Variants in EYS observed in about 807,000 individuals in gnomAD.
EYS encodes protein eyes shut homolog.
A neutral mutation model predicts 282.1 loss-of-function variants in EYS; 250 were observed. That is an observed-to-expected ratio of 0.89 (90% confidence interval 0.80 to 0.98). EYS has a LOEUF of 0.98. Ranked by LOEUF, EYS falls within the 50% of genes least tolerant of loss-of-function variation. EYS has a pLI of 0.00. For missense variants in EYS, 4,016 were observed against 3,709.0 expected, an observed-to-expected ratio of 1.08 and a Z score of -2.15; for synonymous variants, 1,355 against 1,282.9, an observed-to-expected ratio of 1.06 and a Z score of -1.20.
At chr6:65,075,785 T>C (rs1422024591) in intron 12 of EYS, among the ~76,000 whole-genome samples, 4 of 152,000 alleles carry the variant, frequency 2.6e-5, no homozygotes, top group Non-Finnish European at 5.9e-5. Context: ...ATTGTTAACA[T>C]GTCAATTCTA....
chr6:64,651,299 C>T (rs1341642990), intron 22 of EYS, among the ~76,000 whole-genome samples: 1 of 152,120 alleles, frequency 6.6e-6, no homozygotes, highest in African/African-American at 2.4e-5. Flanking sequence ...GTCTACAGTT[C>T]TATATTACTT....
At chr6:64,197,792 C>T (rs1014908593) in intron 31 of EYS, among the ~76,000 whole-genome samples, 8 of 151,078 alleles carry the variant, frequency 5.3e-5, no homozygotes, top group Non-Finnish European at 1.2e-4. Flanking sequence ...GCCATATTTA[C>T]CAGGTATTTC....
At chr6:64,834,422 T>C (rs557435261) in intron 19 of EYS, among the ~76,000 whole-genome samples, 2 of 151,938 alleles carry the variant, frequency 1.3e-5, no homozygotes, top group South Asian at 4.1e-4. Flanking sequence ...TAATATAATG[T>C]CTACTGTTCT....
chr6:65,289,607 C>A (rs1347280299), intron 12 of EYS, among the ~76,000 whole-genome samples: 1 of 150,970 alleles, frequency 6.6e-6, no homozygotes, highest in African/African-American at 2.4e-5. Context: ...AAATTTCTTC[C>A]AAATATCCAA....
At chr6:65,126,917 A>T (rs900673039) in intron 12 of EYS, among the ~76,000 whole-genome samples, 8 of 152,028 alleles carry the variant, frequency 5.3e-5, no homozygotes, top group African/African-American at 1.9e-4. Flanking sequence ...AAAGCTGTTG[A>T]CCTGAGGCTC....
At chr6:65,584,968 C>A (rs540386065) in intron 2 of EYS, among the ~76,000 whole-genome samples, 191 of 151,162 alleles carry the variant, frequency 1.3e-3, no homozygotes, top group African/African-American at 4.5e-3. Context: ...AATAAAAGTA[C>A]AATTTTGTTC....
intron 23 of EYS, among the ~76,000 whole-genome samples, chr6:64,622,845 A>G (rs2149854120): frequency 6.6e-6 from 1 of 152,268 alleles, no homozygotes; most frequent in East Asian, 1.9e-4. Context: ...TTTCAAAATT[A>G]TTTGAGGCTT....
At chr6:63,845,357 C>T (rs1186632374) in intron 36 of EYS, among the ~76,000 whole-genome samples, 1 of 151,646 alleles carries the variant, frequency 6.6e-6, no homozygotes, top group African/African-American at 2.4e-5. Context: ...AAACTGCCAA[C>T]TTCAATTTAA....
intron 29 of EYS, among the ~76,000 whole-genome samples, chr6:64,342,187 A>G (rs1489931870): frequency 1.3e-5 from 2 of 151,648 alleles, no homozygotes; most frequent in African/African-American, 4.8e-5. Flanking sequence ...TGTGTCATTC[A>G]TTGGTGGTAC....
chr6:65,620,934 C>G (rs549109820), intron 2 of EYS, among the ~76,000 whole-genome samples: 43 of 152,272 alleles, frequency 2.8e-4, no homozygotes, highest in Middle Eastern at 3.4e-3. Flanking sequence ...GTTATCATTT[C>G]TGTTCTTTTA....
intron 26 of EYS, among the ~76,000 whole-genome samples, chr6:64,577,484 C>T (rs1288247803): frequency 2.7e-5 from 4 of 150,424 alleles, no homozygotes; most frequent in African/African-American, 9.7e-5. Context: ...TAAAAATGCA[C>T]CCTACACACA....
chr6:64,525,029 A>G (rs1428822956), intron 26 of EYS, among the ~76,000 whole-genome samples: 1 of 151,838 alleles, frequency 6.6e-6, no homozygotes, highest in Non-Finnish European at 1.5e-5. Context: ...AAAACAACAG[A>G]TGCTGGTGAG....
chr6:64,392,542 A>G (rs1477454373), intron 28 of EYS, among the ~76,000 whole-genome samples: 1 of 152,056 alleles, frequency 6.6e-6, no homozygotes, highest in East Asian at 1.9e-4. Flanking sequence ...GTACATAAAG[A>G]AATGAAGGCA....
intron 2 of EYS, among the ~76,000 whole-genome samples, chr6:65,548,239 G>A (rs1768465516): frequency 1.3e-5 from 2 of 152,154 alleles, no homozygotes; most frequent in South Asian, 4.1e-4. Context: ...AGATACTTAT[G>A]TAAGGAAATG....
At chr6:63,826,834 A>G (rs1023200755) in intron 36 of EYS, among the ~76,000 whole-genome samples, 1 of 139,804 alleles carries the variant, frequency 7.2e-6, no homozygotes, top group Non-Finnish European at 1.5e-5. Context: ...ACAAAAATAC[A>G]AGTTAAAAAG....
At chr6:64,110,530 T>A (rs1362281268) in intron 31 of EYS, among the ~76,000 whole-genome samples, 1 of 152,034 alleles carries the variant, frequency 6.6e-6, no homozygotes, top group South Asian at 2.1e-4. Flanking sequence ...TTGTTGGCTA[T>A]GGCTATATGG....
rs1157792387 is a variant in EYS at position 64,191,526 on chromosome 6, T to C, written c.6424+39066A>G. 3.6e-4 allele frequency among the ~76,000 whole-genome samples: 52 copies of C among 143,868 alleles called. No individual in the cohort carries two copies. The Admixed American group carries it at 3.7e-3, about 10-fold the overall frequency. 94.4% of individuals were successfully genotyped at this position (143,868 alleles called of 152,430 possible). A position where few individuals can be genotyped will look rare whatever the true frequency, so the allele number is the denominator to read the frequency against. On this transcript the variant is annotated intron_variant, in intron 31 of 42. Transcript: ENST00000503581. Reference sequence around the variant, plus strand: ...CCAGAGTGTGATGTTCCCCTTCCTGTGTCCATGTGTTCTCATTGTTCAATT... The same window carrying C: ...CCAGAGTGTGATGTTCCCCTTCCTGCGTCCATGTGTTCTCATTGTTCAATT...
chr6:64,349,529 G>A (rs1056654219), intron 29 of EYS, among the ~76,000 whole-genome samples: 2 of 151,140 alleles, frequency 1.3e-5, no homozygotes, highest in African/African-American at 4.8e-5. Context: ...CTGTGATATT[G>A]TTCAATACTA....
At chr6:65,049,272 T>G (rs181532191) in intron 13 of EYS, among the ~76,000 whole-genome samples, 6 of 151,962 alleles carry the variant, frequency 3.9e-5, no homozygotes, top group Admixed American at 3.9e-4. Flanking sequence ...TCCAGCTTCA[T>G]GTTCTCAGAG....
Sources: gnomAD v4.1 joint callset for allele counts (sites outside exome capture counted in the v4.1 genomes callset) on GRCh38, gnomAD v4.1.1 for gene constraint, MANE v1.5 for transcripts, NCBI Gene and HGNC (gene_info 2026-07-23, HGNC 2026-07-21) for gene names.